ATE1: variants seen among roughly 807,000 people sequenced by gnomAD.
ATE1 encodes arginyltransferase 1.
ATE1 carries 36 observed loss-of-function variants against 70.5 expected under a neutral mutation model. The ratio of observed to expected loss-of-function variants is 0.51; its 90% CI spans 0.39 to 0.67. The LOEUF (loss-of-function observed/expected upper bound fraction) is 0.67. Among genes scored for constraint, ATE1 ranks in the 30% least tolerant of loss-of-function variants. The probability of loss-of-function intolerance (pLI) is 0.00; values close to 1 mark genes in which losing one functional copy is unlikely to be tolerated. For missense variants in ATE1, 593 were observed against 629.5 expected (o/e 0.94, Z 0.62); for synonymous variants, 232 against 219.3 (o/e 1.06, Z -0.51).
At chr10:121,787,782 T>C (rs1946273814) in intron 11 of ATE1, among the ~76,000 whole-genome samples, 1 of 152,208 alleles carries the variant, frequency 6.6e-6, no homozygotes. Context: ...TTTGTTAGTA[T>C]TTATTCTGGA....
chr10:121,873,514 A>C (rs1212204822), intron 7 of ATE1, among the ~76,000 whole-genome samples: 2 of 151,980 alleles, frequency 1.3e-5, no homozygotes, highest in African/African-American at 4.8e-5. Flanking sequence ...GCTTACCAAA[A>C]TTTTCTAAAC....
intron 1 of ATE1, among the ~76,000 whole-genome samples, 199 bp from the exon 2 acceptor site, chr10:121,924,528 A>G (rs1054224793): frequency 3.3e-5 from 5 of 151,938 alleles, no homozygotes; most frequent in Middle Eastern, 3.2e-3. Context: ...GTGAAACCCC[A>G]TCTCTACTAA....
chr10:121,907,849 A>G (rs949667906), intron 5 of ATE1, among the ~76,000 whole-genome samples: 3 of 152,094 alleles, frequency 2.0e-5, no homozygotes, highest in Non-Finnish European at 4.4e-5. Context: ...TCATAAGTCT[A>G]TTTGCCAACG....
Position 121,913,797 on chromosome 10 carries a change from A to G in ATE1, c.330T>C (p.Ser110=), listed in dbSNP as rs958859221. ...AGACCCAGCCCATCTTACCCTCACA[A>G]CTTCCTTTGGGAACCTCCCCTTTAG... is the stretch of plus-strand genomic sequence containing the variant. ...FLAKGEVPKG[S]CEDEPMDSTM... The change falls in exon 4 of 12, where the codon AGT becomes AGC. Residue 110 remains serine (S), a synonymous_variant. Coordinates refer to ENST00000224652, the MANE Select transcript of ATE1 (RefSeq NM_001001976.3). 1.9e-6 allele frequency: 3 copies of G among 1,610,358 alleles called. No homozygotes were observed. The highest frequency in any genetic ancestry group is 1.7e-6 in the Non-Finnish European group (2 of 1,177,408).
intron 7 of ATE1, among the ~76,000 whole-genome samples, chr10:121,892,943 T>A (rs1474957761): frequency 6.6e-6 from 1 of 152,330 alleles, no homozygotes; most frequent in East Asian, 1.9e-4. Context: ...AGGCTTCTCA[T>A]AAATAAATAC....
intron 10 of ATE1, among the ~76,000 whole-genome samples, chr10:121,819,083 A>G (rs1046196989): frequency 2.0e-5 from 3 of 152,236 alleles, no homozygotes; most frequent in Admixed American, 6.5e-5. Flanking sequence ...AATGGGGTAA[A>G]TGTGCTGATA....
At chr10:121,815,806 G>C (rs1450231932) in intron 10 of ATE1, among the ~76,000 whole-genome samples, 1 of 152,118 alleles carries the variant, frequency 6.6e-6, no homozygotes, top group Non-Finnish European at 1.5e-5. Context: ...TTTAAACAGG[G>C]TTTCTCAACC....
chr10:121,900,309 C>T (rs1950930476), intron 6 of ATE1, among the ~76,000 whole-genome samples: 1 of 152,116 alleles, frequency 6.6e-6, no homozygotes, highest in African/African-American at 2.4e-5. Context: ...CACATACACA[C>T]ACAAATAAAT....
At chr10:121,745,487 T>A (rs530840404) in intron 11 of ATE1, among the ~76,000 whole-genome samples, 1 of 151,954 alleles carries the variant, frequency 6.6e-6, no homozygotes, top group Non-Finnish European at 1.5e-5. Flanking sequence ...GAGGCCAAGG[T>A]GGGCAAATCA....
At chr10:121,861,820 A>T (rs1053253430) in intron 8 of ATE1, among the ~76,000 whole-genome samples, 4 of 152,174 alleles carry the variant, frequency 2.6e-5, no homozygotes, top group African/African-American at 9.6e-5. Flanking sequence ...CCAAAAACTA[A>T]CTGAAGTACC....
chr10:121,823,176 G>A (rs1229642473), intron 10 of ATE1, among the ~76,000 whole-genome samples: 2 of 152,082 alleles, frequency 1.3e-5, no homozygotes, highest in African/African-American at 2.4e-5. Flanking sequence ...TTTAGTCCCA[G>A]CTACTCAGTA....
At chr10:121,796,324 G>A (rs1344313447) in intron 10 of ATE1, among the ~76,000 whole-genome samples, 4 of 152,068 alleles carry the variant, frequency 2.6e-5, no homozygotes, top group African/African-American at 9.7e-5. Context: ...CATAGAGAAA[G>A]GATGCTTACT....
chr10:121,835,546 G>C (rs1590432504), intron 10 of ATE1, among the ~76,000 whole-genome samples: 2 of 151,930 alleles, frequency 1.3e-5, no homozygotes, highest in South Asian at 4.2e-4. Context: ...CAAATATAAT[G>C]TATGAACCTT....
In ATE1 at chr10:121,791,355, A is replaced by G. The variant is rs867648434; in HGVS notation, c.1258-1066T>C. ...GTGATCCGCCCACCTCAGCCTCCCAAAGTGCTGGGATTACAGGCATGAGCC... is the reference window on the plus strand; with the variant it reads ...GTGATCCGCCCACCTCAGCCTCCCAGAGTGCTGGGATTACAGGCATGAGCC... On this transcript the variant is annotated intron_variant, in intron 10 of 11. Coordinates refer to ENST00000224652, the MANE Select transcript of ATE1 (RefSeq NM_001001976.3). 1.5e-4 allele frequency among the ~76,000 whole-genome samples: 23 copies of G among 152,048 alleles called. 1 individual carries two copies. Among genetic ancestry groups the G allele is most frequent in the Middle Eastern group, 3.4e-3 (1 of 294 alleles).
intron 10 of ATE1, among the ~76,000 whole-genome samples, chr10:121,790,664 A>G (rs1329769570): frequency 6.6e-6 from 1 of 152,214 alleles, no homozygotes; most frequent in African/African-American, 2.4e-5. Flanking sequence ...CATGTATTAG[A>G]GCACTGTATA....
intron 10 of ATE1, among the ~76,000 whole-genome samples, chr10:121,824,006 C>T (rs1374681397): frequency 6.6e-6 from 1 of 152,130 alleles, no homozygotes; most frequent in East Asian, 1.9e-4. Context: ...TAATGAGAAG[C>T]TTAGAACAGT....
At chr10:121,875,088 G>C (rs987296079) in intron 7 of ATE1, among the ~76,000 whole-genome samples, 2 of 140,854 alleles carry the variant, frequency 1.4e-5, no homozygotes, top group Non-Finnish European at 1.5e-5. Context: ...GCAGTGAGTC[G>C]AGACCGCACC....
At chr10:121,904,373 G>A (rs1264285155) in intron 5 of ATE1, among the ~76,000 whole-genome samples, 1 of 151,544 alleles carries the variant, frequency 6.6e-6, no homozygotes, top group Non-Finnish European at 1.5e-5. Flanking sequence ...CCGGTGCAGT[G>A]GCTCATGCCT....
At chr10:121,901,259 C>T (rs1590673837) in intron 6 of ATE1, among the ~76,000 whole-genome samples, 1 of 151,626 alleles carries the variant, frequency 6.6e-6, no homozygotes, top group African/African-American at 2.4e-5. Context: ...AAGAGTGAAA[C>T]TCCGTCTCAA....
Sources: allele counts gnomAD v4.1 joint callset (sites outside exome capture counted in the v4.1 genomes callset), GRCh38; gene constraint gnomAD v4.1.1; transcripts MANE v1.5; gene names NCBI Gene and HGNC (gene_info 2026-07-23, HGNC 2026-07-21).